Variants in PPP1R1C observed in about 807,000 individuals in gnomAD.
PPP1R1C encodes the protein protein phosphatase 1 regulatory inhibitor subunit 1C.
In PPP1R1C, 15 loss-of-function variants were observed where a neutral mutation model predicts 17.4. The ratio of observed to expected loss-of-function variants is 0.86; its 90% confidence interval spans 0.58 to 1.33. PPP1R1C has a LOEUF of 1.33. PPP1R1C is among the 40% of genes most tolerant of loss of function. The pLI is 0.00. For synonymous variants in PPP1R1C, 35 were observed against 43.1 expected (o/e 0.81, Z 0.73); for missense variants, 143 against 130.0 (o/e 1.10, Z -0.48).
At chr2:182,057,735 A>C (rs1687729396) in intron 2 of PPP1R1C, among the ~76,000 whole-genome samples, 1 of 152,036 alleles carries the variant, frequency 6.6e-6, no homozygotes, top group African/African-American at 2.4e-5. Flanking sequence ...ATACCTCTTT[A>C]ATTGGCCCTA....
chr2:182,014,809 T>G (rs371284391), intron 2 of PPP1R1C, among the ~76,000 whole-genome samples: 133 of 150,022 alleles, frequency 8.9e-4, no homozygotes, highest in African/African-American at 3.0e-3. Flanking sequence ...AGAAGGAGAC[T>G]CTCTTTGTGG....
intron 2 of PPP1R1C, among the ~76,000 whole-genome samples, chr2:182,026,809 C>T (rs1208364391): frequency 1.3e-5 from 2 of 150,798 alleles, no homozygotes; most frequent in East Asian, 1.9e-4. Flanking sequence ...GCAGTATGGC[C>T]ATTTTCACGA....
chr2:181,995,722 T>C (rs1685593477), intron 2 of PPP1R1C, among the ~76,000 whole-genome samples: 1 of 151,816 alleles, frequency 6.6e-6, no homozygotes, highest in Non-Finnish European at 1.5e-5. Context: ...GTGTGCTTGA[T>C]GGAAAAAGAT....
intron 2 of PPP1R1C, among the ~76,000 whole-genome samples, chr2:182,035,995 A>G (rs959853166): frequency 9.9e-5 from 15 of 152,136 alleles, no homozygotes; most frequent in African/African-American, 3.6e-4. Context: ...GTTTATACAC[A>G]CACACACACA....
Position 181,962,348 on chromosome 2 carries a change from G to A in PPP1R1C, n.111+7714G>A, listed in dbSNP as rs1684815077. The stretch of plus-strand genomic sequence containing the variant: ...GGTGGAGCGGGACACGGATATCCGG[G>A]AACCAGAGCCCCCGGCGCCTGCATA... On this transcript the variant is annotated intron_variant and non_coding_transcript_variant, in intron 1 of 5. Coordinates refer to the PPP1R1C transcript ENST00000464264. The surrounding 1 kb of genome is among the most constrained non-coding windows in gnomAD (Gnocchi z 6.0). 5.2e-6 allele frequency: 5 copies of A among 955,922 alleles called. No homozygotes were observed. 59.2% of individuals were successfully genotyped at this position (955,922 alleles called of 1,614,324 possible). A position where few individuals can be genotyped will look rare whatever the true frequency, so the allele number is the denominator to read the frequency against.
chr2:181,961,007 A>G lies in PPP1R1C; in HGVS notation n.111+6373A>G, dbSNP rs147720389. 7.9e-3 allele frequency among the ~76,000 whole-genome samples: 1,200 copies of G among 152,294 alleles called. 10 individuals carry two copies. The highest frequency in any genetic ancestry group is 0.027 in the African/African-American group (1,127 of 41,552). ...ACCAGAAATTTTGAGTGATTCTTGG[A>G]AGGTAAAGGGCAGATAAAATCACTT... On this transcript the variant is annotated intron_variant and non_coding_transcript_variant, in intron 1 of 5. Transcript: ENST00000464264. This position sits in a 1 kb window ranked among gnomAD's most constrained non-coding sequence, Gnocchi z 5.8.
intron 2 of PPP1R1C, among the ~76,000 whole-genome samples, chr2:181,989,093 A>G (rs983254762): frequency 2.6e-5 from 4 of 152,208 alleles, no homozygotes; most frequent in Non-Finnish European, 4.4e-5. Context: ...GTAATTTTAT[A>G]GCAATTTTCC....
At chr2:182,044,613 G>A (rs1283025027) in intron 2 of PPP1R1C, among the ~76,000 whole-genome samples, 6 of 152,090 alleles carry the variant, frequency 3.9e-5, no homozygotes, top group Non-Finnish European at 5.9e-5. Flanking sequence ...TATGCTTCTC[G>A]CACACTCGGT....
Position 181,986,005 on chromosome 2 carries a change from A to C in PPP1R1C, c.-106A>C. 1.2e-6 allele frequency: 1 copy of C among 851,186 alleles called. No homozygotes were observed. The highest frequency in any genetic ancestry group is 2.0e-6 in the Non-Finnish European group (1 of 501,712). The allele number at this position is 851,186 out of a possible 1,614,324, so 52.7% of individuals were successfully genotyped here. A position where few individuals can be genotyped will look rare whatever the true frequency, so the allele number is the denominator to read the frequency against. ...GAATTACAGCTATTTATTACGAAGC[A>C]CTCTGTGTGGCTTAGTGGAGTGTGT... On this transcript the variant is annotated 5_prime_UTR_variant, in exon 1 of 5. Transcript: ENST00000682840.
chr2:181,994,148 A>G (rs1685548656), intron 2 of PPP1R1C, among the ~76,000 whole-genome samples: 1 of 152,090 alleles, frequency 6.6e-6, no homozygotes, highest in Admixed American at 6.5e-5. Flanking sequence ...ATTTTTGTGG[A>G]ATATGAGTTC....
chr2:181,980,751 A>C (rs900918079), intron 2 of PPP1R1C, among the ~76,000 whole-genome samples: 10 of 152,230 alleles, frequency 6.6e-5, no homozygotes, highest in Admixed American at 5.9e-4. Context: ...ACATTAAAAA[A>C]TAGTGTCTGC....
chr2:182,076,197 CTTTTTTTTTTTTTTTTTTTTTTTTTTTTT>C (rs1165789924), intron 4 of PPP1R1C, among the ~76,000 whole-genome samples: 6 of 25,864 alleles, frequency 2.3e-4, no homozygotes, highest in South Asian at 4.6e-3. Context: ...TTTTTCTTTT[CTTTTTTTTTTTTTTTTTTTTTTTTTTTTT>C]TTTTTTTTTT....
chr2:181,972,774 T>C (rs1372770232), intron 1 of PPP1R1C, among the ~76,000 whole-genome samples: 1 of 152,208 alleles, frequency 6.6e-6, no homozygotes, highest in Non-Finnish European at 1.5e-5. Flanking sequence ...CTATTTTCTA[T>C]AGAGTGCCAG....
intron 2 of PPP1R1C, among the ~76,000 whole-genome samples, chr2:181,991,984 C>T (rs1685486517): frequency 6.6e-6 from 1 of 152,114 alleles, no homozygotes; most frequent in Non-Finnish European, 1.5e-5. Flanking sequence ...TTTAAGTCTA[C>T]TTAAAAACAA....
intron 4 of PPP1R1C, among the ~76,000 whole-genome samples, chr2:182,096,586 A>G (rs149409949): frequency 6.6e-5 from 10 of 152,100 alleles, no homozygotes; most frequent in African/African-American, 2.4e-4. Flanking sequence ...CCTATTTTCT[A>G]TCTTCAGTGG....
intron 2 of PPP1R1C, among the ~76,000 whole-genome samples, chr2:181,977,186 T>A: frequency 6.8e-6 from 1 of 147,952 alleles, no homozygotes; most frequent in Non-Finnish European, 1.5e-5. Context: ...TAGGCTAATT[T>A]TTTATCACCT....
At chr2:181,970,059 T>A (rs1684976629) in intron 1 of PPP1R1C, among the ~76,000 whole-genome samples, 1 of 152,200 alleles carries the variant, frequency 6.6e-6, no homozygotes, top group Non-Finnish European at 1.5e-5. Flanking sequence ...TATTTTGAAT[T>A]CTCTGTCTTG....
intron 2 of PPP1R1C, among the ~76,000 whole-genome samples, chr2:182,053,987 C>T (rs954698586): frequency 7.9e-5 from 12 of 152,032 alleles, no homozygotes; most frequent in Admixed American, 3.9e-4. Context: ...GGATTACAGG[C>T]GTGAGCCACC....
intron 2 of PPP1R1C, among the ~76,000 whole-genome samples, chr2:182,038,728 T>G (rs1401407399): frequency 6.6e-6 from 1 of 152,120 alleles, no homozygotes; most frequent in Non-Finnish European, 1.5e-5. Flanking sequence ...GTGCCTAATG[T>G]GTTTGGCAGC....
Sources: gnomAD v4.1 joint callset for allele counts (sites outside exome capture counted in the v4.1 genomes callset) on GRCh38, gnomAD v4.1.1 for gene constraint, Gnocchi (gnomAD v3.1) non-coding constraint, MANE v1.5 for transcripts, NCBI Gene and HGNC (gene_info 2026-07-23, HGNC 2026-07-21) for gene names.